Variants in CDK14 observed in about 807,000 individuals in gnomAD.
CDK14 encodes cyclin dependent kinase 14.
Under a neutral mutation model 60.7 loss-of-function variants are expected in CDK14, and 34 were observed. That is an observed-to-expected ratio of 0.56 (90% CI 0.43 to 0.75). The LOEUF is 0.75. CDK14 is among the 30% of genes least tolerant of loss of function. The pLI, the probability that CDK14 is intolerant of heterozygous loss-of-function variation, is 0.00. For missense variants in CDK14, 482 were observed against 564.1 expected, an observed-to-expected ratio of 0.85 and a Z score of 1.47; for synonymous variants, 197 against 203.7, an observed-to-expected ratio of 0.97 and a Z score of 0.28.
chr7:90,742,735 C>T (rs542362589), intron 3 of CDK14, among the ~76,000 whole-genome samples: 196 of 152,006 alleles, frequency 1.3e-3, no homozygotes, highest in Non-Finnish European at 2.0e-3. Context: ...CTTAAATGGT[C>T]ATGCTCTCAT....
intron 2 of CDK14, among the ~76,000 whole-genome samples, chr7:90,607,438 C>G (rs1467013352): frequency 6.6e-6 from 1 of 152,120 alleles, no homozygotes; most frequent in Non-Finnish European, 1.5e-5. Flanking sequence ...GGTAACAACT[C>G]CCTGATTCAT....
intron 2 of CDK14, among the ~76,000 whole-genome samples, chr7:90,707,445 T>G (rs1801923510): frequency 6.6e-6 from 1 of 152,076 alleles, no homozygotes; most frequent in South Asian, 2.1e-4. Context: ...GCCTCCCCAC[T>G]TCCCTTCCTT....
chr7:90,917,798 G>A lies in CDK14; in HGVS notation c.826+74G>A, dbSNP rs1243975379. 3.5e-6 allele frequency: 5 copies of A among 1,436,760 alleles called. No individual in the cohort carries two copies. The African/African-American group carries it at 7.1e-5, about 20-fold the overall frequency. The allele number at this position is 1,436,760 out of a possible 1,614,324, so 89.0% of individuals were successfully genotyped here. ...CCAGGCAGATGGTGGCACTGCATTT[G>A]TTTAGGTGCACTTCTTCTATCATCA... On this transcript the variant is annotated intron_variant, in intron 8 of 14. Coordinates refer to ENST00000380050, the MANE Select transcript of CDK14 (RefSeq NM_001287135.2).
At chr7:90,876,120 G>A (rs1791552235) in intron 6 of CDK14, among the ~76,000 whole-genome samples, 1 of 152,180 alleles carries the variant, frequency 6.6e-6, no homozygotes, top group Non-Finnish European at 1.5e-5. Context: ...GGAATTCCAG[G>A]TATGTGGGTA....
chr7:90,726,720 G>A lies in CDK14; in HGVS notation c.277G>A (p.Val93Met), dbSNP rs747614328. The A allele has an allele frequency of 6.2e-7, 1 of 1,613,788 alleles. No individual in the cohort carries two copies. The highest frequency in any genetic ancestry group is 8.5e-7 in the Non-Finnish European group (1 of 1,179,786). Residue 93 changes from valine to methionine, a missense_variant, in exon 3 of 15, where the codon GTG becomes ATG. Transcript: ENST00000380050. Reference sequence around the variant, plus strand: ...GAAACCAGCTAATCAAGTAAAGAGGGTGCATTCTGAGAACAATGCTTGCAT... The same window carrying A: ...GAAACCAGCTAATCAAGTAAAGAGGATGCATTCTGAGAACAATGCTTGCAT... The part of the protein sequence containing the change: ...FEKPANQVKR[V>M]HSENNACINF...
At chr7:90,810,624 G>A (rs1789056510) in intron 5 of CDK14, among the ~76,000 whole-genome samples, 1 of 152,144 alleles carries the variant, frequency 6.6e-6, no homozygotes. Flanking sequence ...AGGGCAATTA[G>A]GCAGGAGAAG....
chr7:90,709,797 C>T (rs571117312), intron 2 of CDK14: 3 of 1,425,662 alleles, frequency 2.1e-6, no homozygotes, highest in Non-Finnish European at 2.8e-6. Flanking sequence ...GCTTATGCAT[C>T]CCCCTCTCTT....
chr7:90,802,632 G>A (rs914681650), intron 5 of CDK14, among the ~76,000 whole-genome samples: 1 of 152,158 alleles, frequency 6.6e-6, no homozygotes, highest in Admixed American at 6.6e-5. Context: ...TCTTAAACTT[G>A]CTGTGCCTCA....
chr7:91,176,535 G>C (rs1343881851), intron 14 of CDK14, among the ~76,000 whole-genome samples: 1 of 151,908 alleles, frequency 6.6e-6, no homozygotes, highest in African/African-American at 2.4e-5. Flanking sequence ...TTTTTTGAAA[G>C]GATCAACAAA....
chr7:90,833,115 C>T (rs964785009), intron 5 of CDK14, among the ~76,000 whole-genome samples: 2 of 152,206 alleles, frequency 1.3e-5, no homozygotes, highest in East Asian at 1.9e-4. Context: ...ATAGCTTCAG[C>T]ATTTCCACTT....
intron 8 of CDK14, among the ~76,000 whole-genome samples, chr7:90,940,341 A>G (rs1793881035): frequency 6.6e-6 from 1 of 152,152 alleles, no homozygotes; most frequent in Admixed American, 6.5e-5. Flanking sequence ...TTGGTTCCAT[A>G]TTAGTACATA....
chr7:91,015,111 A>C (rs1327355465), intron 10 of CDK14, among the ~76,000 whole-genome samples: 1 of 152,082 alleles, frequency 6.6e-6, no homozygotes, highest in Non-Finnish European at 1.5e-5. Flanking sequence ...TGTTTTTGCT[A>C]ATTTTTTTTC....
chr7:90,812,403 T>A (rs1203288365), intron 5 of CDK14, among the ~76,000 whole-genome samples: 2 of 151,476 alleles, frequency 1.3e-5, no homozygotes, highest in East Asian at 3.9e-4. Context: ...CACTCATAGG[T>A]GGTAATTGAA....
At chr7:90,711,536 T>C (rs1180676679) in intron 2 of CDK14, among the ~76,000 whole-genome samples, 1 of 152,128 alleles carries the variant, frequency 6.6e-6, no homozygotes, top group Non-Finnish European at 1.5e-5. Context: ...AAAAGTAATT[T>C]TTAAAAAGTA....
chr7:90,851,351 G>A (rs1790640195), intron 5 of CDK14, among the ~76,000 whole-genome samples: 1 of 152,128 alleles, frequency 6.6e-6, no homozygotes, highest in Admixed American at 6.5e-5. Flanking sequence ...ATATATGTGT[G>A]TGTATGAATG....
Position 90,863,225 on chromosome 7 carries a change from A to G in CDK14, c.595A>G (p.Ile199Val). ...KHANIVLLHD[I>V]IHTKETLTLV... ...TGCTAACATAGTGCTACTTCATGAC[A>G]TCATCCATACCAAGGAGACGCTGAC... The change falls in exon 6 of 15, where the codon ATC (isoleucine) becomes GTC (valine). Residue 199 changes from isoleucine (I) to valine (V), a missense_variant. Transcript: ENST00000380050. 1 of 1,611,106 alleles carries G rather than the reference A, an allele frequency of 6.2e-7. No individual in the cohort carries two copies. The highest frequency in any genetic ancestry group is 8.5e-7 in the Non-Finnish European group (1 of 1,177,804).
At chr7:90,964,325 G>A (rs200199175) in intron 9 of CDK14, among the ~76,000 whole-genome samples, 2 of 152,140 alleles carry the variant, frequency 1.3e-5, no homozygotes, top group Non-Finnish European at 2.9e-5. Context: ...AACTAGCAGT[G>A]TTTTGCTTTA....
At chr7:90,985,349 C>T (rs1446864606) in intron 10 of CDK14, among the ~76,000 whole-genome samples, 1 of 152,094 alleles carries the variant, frequency 6.6e-6, no homozygotes, top group East Asian at 1.9e-4. Flanking sequence ...AATAACAGCA[C>T]CTTCTTCATA....
At chr7:90,760,120 C>A (rs1296866677) in intron 4 of CDK14, among the ~76,000 whole-genome samples, 1 of 152,018 alleles carries the variant, frequency 6.6e-6, no homozygotes, top group African/African-American at 2.4e-5. Flanking sequence ...AATTAAACGA[C>A]CTTATAAATT....
Sources: allele counts gnomAD v4.1 joint callset (sites outside exome capture counted in the v4.1 genomes callset), GRCh38; gene constraint gnomAD v4.1.1; transcripts MANE v1.5; gene names NCBI Gene and HGNC (gene_info 2026-07-23, HGNC 2026-07-21).